ARAP2: variants seen among roughly 807,000 people sequenced by gnomAD.
The protein encoded by ARAP2 is arf-GAP with Rho-GAP domain, ANK repeat and PH domain-containing protein 2.
In ARAP2, 148 loss-of-function variants were observed where a neutral mutation model predicts 194.5. The ratio of observed to expected loss-of-function variants is 0.76; its 90% CI spans 0.67 to 0.87. The LOEUF is 0.87. ARAP2 is among the 40% of genes least tolerant of loss of function. ARAP2 has a pLI of 0.00. For synonymous variants in ARAP2, 695 were observed against 683.5 expected, an observed-to-expected ratio of 1.02 and a Z score of -0.26; for missense variants, 2,128 against 1,989.7, an observed-to-expected ratio of 1.07 and a Z score of -1.32.
At chr4:36,025,757 C>T (rs188680272) in intron 5 of ARAP2, among the ~76,000 whole-genome samples, 15 of 151,094 alleles carry the variant, frequency 9.9e-5, no homozygotes, top group African/African-American at 3.2e-4. Flanking sequence ...AATGGTATCA[C>T]GTAAAATGGT....
chr4:36,230,528 T>C (rs1751240420), intron 1 of ARAP2, among the ~76,000 whole-genome samples: 1 of 152,222 alleles, frequency 6.6e-6, no homozygotes, highest in African/African-American at 2.4e-5. Context: ...TCACATGTCC[T>C]CCAATGTACA....
At chr4:36,178,256 G>T (rs756740632) in intron 8 of ARAP2, among the ~76,000 whole-genome samples, 3 of 152,074 alleles carry the variant, frequency 2.0e-5, no homozygotes, top group Admixed American at 6.6e-5. Context: ...CAAAATCTCA[G>T]GCCCTACTCC....
At chr4:36,214,724 G>T (rs1009395449) in intron 2 of ARAP2, among the ~76,000 whole-genome samples, 1 of 151,996 alleles carries the variant, frequency 6.6e-6, no homozygotes, top group Non-Finnish European at 1.5e-5. Context: ...TTTAAAGGAA[G>T]AAATTTTCTT....
At chr4:36,160,959 G>A (rs1367975954) in intron 12 of ARAP2, among the ~76,000 whole-genome samples, 2 of 152,114 alleles carry the variant, frequency 1.3e-5, no homozygotes, top group Non-Finnish European at 2.9e-5. Flanking sequence ...CGAGTAGGTG[G>A]GCTAATGCTG....
chr4:36,204,908 A>G lies in ARAP2; in HGVS notation c.1487+5482T>C, dbSNP rs145676903. Among the ~76,000 whole-genome samples, 64 of 150,080 alleles carry G rather than the reference A, an allele frequency of 4.3e-4. No individual in the cohort carries two copies. The East Asian group carries it at 0.012, about 29-fold the overall frequency. On this transcript the variant is annotated intron_variant, in intron 6 of 32. Transcript: ENST00000303965. ...GGAGGCTGTGGCAGAGAACTGCTTG[A>G]ACCCAGGAGGTGAAGTTTGCAGTGA... is the stretch of plus-strand genomic sequence containing the variant.
intron 27 of ARAP2, among the ~76,000 whole-genome samples, chr4:36,105,741 A>C (rs1718230870): frequency 6.6e-6 from 1 of 151,990 alleles, no homozygotes; most frequent in Non-Finnish European, 1.5e-5. Flanking sequence ...ATAGCATTTA[A>C]TGGTGAACTT....
At position 36,160,376 on chromosome 4, in the gene ARAP2, A is replaced by T. The variant is rs896802700; in HGVS notation, c.2442+83T>A. On this transcript the variant is annotated intron_variant, in intron 13 of 32. Coordinates refer to ENST00000303965, the MANE Select transcript of ARAP2 (RefSeq NM_015230.4). ...TAATAATTTTGTCAGATAGTATAAA[A>T]TTTTTTACTTTTTCTCAAGAATCTT... The T allele has an allele frequency of 3.0e-6, 4 of 1,321,702 alleles. No individual in the cohort carries two copies. The African/African-American group carries it at 6.2e-5, about 21-fold the overall frequency. 81.9% of individuals were successfully genotyped at this position (1,321,702 alleles called of 1,614,324 possible).
At chr4:36,225,440 C>G (rs1468363956) in intron 2 of ARAP2, among the ~76,000 whole-genome samples, 2 of 152,080 alleles carry the variant, frequency 1.3e-5, no homozygotes, top group African/African-American at 2.4e-5. Context: ...CATCTGCTTT[C>G]TGCTTGGAGG....
intron 1 of ARAP2, among the ~76,000 whole-genome samples, chr4:36,238,308 T>C (rs538321436): frequency 2.6e-5 from 4 of 152,270 alleles, no homozygotes; most frequent in African/African-American, 7.2e-5. Context: ...TAATAACCAG[T>C]AGTTGTGGAT....
chr4:36,028,120 C>T lies in ARAP2; in HGVS notation n.608-8834G>A, dbSNP rs766227775. Among the ~76,000 whole-genome samples the T allele has an allele frequency of 2.0e-4, 30 of 152,162 alleles. 1 individual carries two copies. The highest frequency in any genetic ancestry group is 3.5e-4 in the Non-Finnish European group (24 of 67,982). On this transcript the variant is annotated intron_variant and non_coding_transcript_variant, in intron 5 of 12. Transcript: ENST00000503225. ...TTTGAATGTGGTACAGAATTTTACT[C>T]GCTAATGTTTTATTTATAATTTTAC...
intron 9 of ARAP2, among the ~76,000 whole-genome samples, chr4:36,009,943 A>C (rs2109306362): frequency 1.3e-5 from 2 of 151,802 alleles, no homozygotes; most frequent in South Asian, 4.2e-4. Flanking sequence ...GTTATTTCAT[A>C]CTAAATTTCT....
At chr4:36,125,076 T>C in intron 21 of ARAP2, 109 bp from the exon 22 acceptor site, 1 of 625,296 alleles carries the variant, frequency 1.6e-6, no homozygotes, top group African/African-American at 1.8e-5. Context: ...TTTTAATAGG[T>C]GATACAATCA....
chr4:36,039,497 A>G (rs1238270369), intron 5 of ARAP2, among the ~76,000 whole-genome samples: 3 of 152,124 alleles, frequency 2.0e-5, no homozygotes, highest in Non-Finnish European at 4.4e-5. Flanking sequence ...TGCAGCCCAC[A>G]TAGGCTTCTG....
At chr4:36,193,537 G>A (rs770882267) in intron 7 of ARAP2, 41 bp downstream of exon 7, 1 of 1,352,828 alleles carries the variant, frequency 7.4e-7, no homozygotes, top group Non-Finnish European at 1.0e-6. Context: ...CTCTTCGTAT[G>A]CATAAAAAAG....
intron 21 of ARAP2, among the ~76,000 whole-genome samples, chr4:36,126,501 T>G (rs1035048797): frequency 2.0e-5 from 3 of 151,958 alleles, no homozygotes; most frequent in African/African-American, 7.2e-5. Context: ...TAAATATAGG[T>G]GGTACACGGC....
At chr4:36,065,916 T>A (rs1725337826), downstream of ARAP2, 2 of 152,208 alleles carry the variant, frequency 1.3e-5, no homozygotes, top group Admixed American at 1.3e-4. Context: ...AAATTCAAAT[T>A]TTTTTAAAAA....
intron 9 of ARAP2, among the ~76,000 whole-genome samples, chr4:36,169,584 G>T (rs1280903625): frequency 6.7e-6 from 1 of 149,844 alleles, no homozygotes; most frequent in Non-Finnish European, 1.5e-5. Flanking sequence ...AGGCTAGAGT[G>T]CAATGGCACG....
chr4:36,199,137 C>T (rs1329376839), intron 6 of ARAP2, among the ~76,000 whole-genome samples: 1 of 152,242 alleles, frequency 6.6e-6, no homozygotes, highest in African/African-American at 2.4e-5. Context: ...CTGGCCACAC[C>T]TCTCTGCTGC....
At chr4:36,212,613 C>A in intron 4 of ARAP2, 126 bp from the exon 5 acceptor site, 1 of 557,052 alleles carries the variant, frequency 1.8e-6, no homozygotes, top group Non-Finnish European at 3.1e-6. Flanking sequence ...TTAAATAAGT[C>A]TAATTACTTA....
Sources: allele counts gnomAD v4.1 joint callset (sites outside exome capture counted in the v4.1 genomes callset), GRCh38; gene constraint gnomAD v4.1.1; transcripts MANE v1.5; gene names NCBI Gene and HGNC (gene_info 2026-07-23, HGNC 2026-07-21).